CENPK: variants seen among roughly 807,000 people sequenced by gnomAD.
CENPK encodes the protein SoxLZ/Sox6-binding protein Solt.
A neutral mutation model predicts 40.9 loss-of-function variants in CENPK; 46 were observed. The observed-to-expected ratio is 1.13, with a 90% confidence interval of 0.89 to 1.44. The LOEUF is 1.44. Ranked by LOEUF, CENPK falls within the 40% of genes most tolerant of loss-of-function variation. The probability of loss-of-function intolerance (pLI) is 0.00; values close to 1 mark genes in which losing one functional copy is unlikely to be tolerated. For missense variants in CENPK, 288 were observed against 303.5 expected, an observed-to-expected ratio of 0.95 and a Z score of 0.38; for synonymous variants, 107 against 104.4, an observed-to-expected ratio of 1.02 and a Z score of -0.15.
intron 10 of CENPK, among the ~76,000 whole-genome samples, chr5:65,519,301 T>C (rs765051252): frequency 3.3e-5 from 5 of 152,218 alleles, no homozygotes; most frequent in Admixed American, 6.5e-5. Flanking sequence ...CTAATGTGGA[T>C]TGAGAATCAG....
chr5:65,499,967 T>C, the CENPK span, among the ~76,000 whole-genome samples: 10 of 88,776 alleles, frequency 1.1e-4, no homozygotes, highest in East Asian at 2.4e-4. Context: ...TGGTTTCCAG[T>C]TTCATCCATG....
chr5:65,547,944 A>G (rs962821203), intron 5 of CENPK, among the ~76,000 whole-genome samples: 1 of 152,234 alleles, frequency 6.6e-6, no homozygotes, highest in Non-Finnish European at 1.5e-5. Context: ...GATTACAGGC[A>G]TGAGCCACAG....
chr5:65,524,021 T>G (rs1397865987), intron 9 of CENPK, among the ~76,000 whole-genome samples: 2 of 152,282 alleles, frequency 1.3e-5, no homozygotes, highest in African/African-American at 4.8e-5. Flanking sequence ...CCAGGAATTC[T>G]TGAACAAATT....
intron 6 of CENPK, among the ~76,000 whole-genome samples, chr5:65,535,403 G>A (rs969537541): frequency 7.9e-5 from 12 of 152,168 alleles, no homozygotes; most frequent in African/African-American, 2.7e-4. Context: ...TACTTGATGA[G>A]CATTTTTCTA....
At chr5:65,511,340 T>C in the CENPK span, among the ~76,000 whole-genome samples, 1 of 152,224 alleles carries the variant, frequency 6.6e-6, no homozygotes, top group South Asian at 2.1e-4. Context: ...GTGGCTATGC[T>C]AAACAGCAAA....
At chr5:65,533,532 T>C (rs541994216) in intron 6 of CENPK, among the ~76,000 whole-genome samples, 1 of 152,174 alleles carries the variant, frequency 6.6e-6, no homozygotes, top group South Asian at 2.1e-4. Context: ...ATGTCCATTC[T>C]TACCGTTTCT....
chr5:65,499,829 CCA>C, the CENPK span, among the ~76,000 whole-genome samples: 1 of 94,172 alleles, frequency 1.1e-5, no homozygotes, highest in African/African-American at 4.1e-5. Context: ...TCCCCCGACC[CCA>C]CCACAGTCCC....
the CENPK span, among the ~76,000 whole-genome samples, chr5:65,499,739 A>G: frequency 8.3e-6 from 1 of 120,388 alleles, no homozygotes; most frequent in African/African-American, 3.2e-5. Flanking sequence ...ACATATGTAT[A>G]CATGTGCCAT....
intron 2 of CENPK, among the ~76,000 whole-genome samples, chr5:65,556,737 C>T (rs985766153): frequency 9.9e-5 from 15 of 152,218 alleles, no homozygotes; most frequent in African/African-American, 3.6e-4. Flanking sequence ...CTCACTGACT[C>T]ATCTAGAGCA....
intron 9 of CENPK, among the ~76,000 whole-genome samples, chr5:65,524,221 C>CA (rs35248965): frequency 0.27 from 38,329 of 140,638 alleles, 5,431 homozygotes; most frequent in South Asian, 0.34. Flanking sequence ...TAAAAGCATA[C>CA]AAAAAAAAAA....
the CENPK span, among the ~76,000 whole-genome samples, chr5:65,509,537 T>G: frequency 6.6e-6 from 1 of 152,230 alleles, no homozygotes; most frequent in African/African-American, 2.4e-5. Context: ...ATCCATTTAT[T>G]TACTGAAGAA....
intron 8 of CENPK, 52 bp from the exon 9 acceptor site, chr5:65,528,630 C>G (rs1401956354): frequency 4.9e-6 from 7 of 1,433,976 alleles, no homozygotes; most frequent in Non-Finnish European, 6.4e-6. Flanking sequence ...AACACATACA[C>G]ACATGTAACT....
the CENPK span, among the ~76,000 whole-genome samples, chr5:65,509,765 G>A: frequency 9.9e-5 from 15 of 152,156 alleles, no homozygotes; most frequent in Admixed American, 9.8e-4. Flanking sequence ...CCTGTGTTGA[G>A]CAAGTCTACC....
chr5:65,526,746 C>A (rs1744773493), intron 9 of CENPK, among the ~76,000 whole-genome samples: 1 of 152,028 alleles, frequency 6.6e-6, no homozygotes, highest in South Asian at 2.1e-4. Context: ...ATAGCTTCAA[C>A]CCAGGAGTTC....
At chr5:65,509,287 T>G in the CENPK span, among the ~76,000 whole-genome samples, 1 of 152,192 alleles carries the variant, frequency 6.6e-6, no homozygotes, top group South Asian at 2.1e-4. Flanking sequence ...ATGCATTGCT[T>G]CCATCCACTC....
chr5:65,553,141 A>T (rs1477445624), intron 3 of CENPK, among the ~76,000 whole-genome samples: 1 of 152,162 alleles, frequency 6.6e-6, no homozygotes. Context: ...ATTATCCTGA[A>T]AATACATTAA....
At chr5:65,527,235 T>C (rs894690750) in intron 9 of CENPK, among the ~76,000 whole-genome samples, 3 of 152,000 alleles carry the variant, frequency 2.0e-5, no homozygotes, top group Admixed American at 6.6e-5. Context: ...GGTTTTAACC[T>C]AGGCAGAAAA....
Position 65,561,568 on chromosome 5 carries a change from T to A in CENPK, c.-141-4A>T, listed in dbSNP as rs957915643. ...CTTGAATCTCCAGCCTCTAGACCTG[T>A]GAGAAATAAATTTCAGTTGTTTAAT... On this transcript the variant is annotated splice_polypyrimidine_tract_variant and splice_region_variant and intron_variant, in intron 1 of 10. Transcript: ENST00000396679. 4 of 447,522 alleles carry A rather than the reference T, an allele frequency of 8.9e-6. No homozygotes were observed. Among genetic ancestry groups the A allele is most frequent in the African/African-American group, 8.2e-5 (4 of 48,514 alleles). 27.7% of individuals were successfully genotyped at this position (447,522 alleles called of 1,614,324 possible). A position where few individuals can be genotyped will look rare whatever the true frequency, so the allele number is the denominator to read the frequency against.
intron 10 of CENPK, among the ~76,000 whole-genome samples, chr5:65,519,026 T>C (rs964091013): frequency 2.6e-5 from 4 of 152,198 alleles, no homozygotes; most frequent in Admixed American, 6.5e-5. Flanking sequence ...TAACTGGTCC[T>C]GTCCCCCACA....
Sources: gnomAD v4.1 joint callset for allele counts (sites outside exome capture counted in the v4.1 genomes callset) on GRCh38, gnomAD v4.1.1 for gene constraint, MANE v1.5 for transcripts, NCBI Gene and HGNC (gene_info 2026-07-23, HGNC 2026-07-21) for gene names.